TEX36: variants seen among roughly 807,000 people sequenced by gnomAD.
TEX36 encodes the protein testis-expressed protein 36.
In TEX36, 12 loss-of-function variants were observed where a neutral mutation model predicts 13.6. The ratio of observed to expected loss-of-function variants is 0.88; its 90% confidence interval spans 0.56 to 1.43. The LOEUF is 1.43. TEX36 is among the 40% of genes most tolerant of loss of function. The pLI is 0.00. For missense variants in TEX36, 224 were observed against 228.3 expected, an observed-to-expected ratio of 0.98 and a Z score of 0.12; for synonymous variants, 93 against 83.0, an observed-to-expected ratio of 1.12 and a Z score of -0.65.
At chr10:125,667,694 TG>T (rs1847146090) in intron 1 of TEX36, 1 of 739,496 alleles carries the variant, frequency 1.4e-6, no homozygotes, top group Non-Finnish European at 2.5e-6. Context: ...ATCCTTCTTC[TG>T]GTAGAGTGTC....
chr10:125,683,099 G>T lies in TEX36; in HGVS notation c.-110C>A. On this transcript the variant is annotated 5_prime_UTR_variant, in exon 1 of 4. Coordinates refer to ENST00000368821, the MANE Select transcript of TEX36 (RefSeq NM_001128202.3). ...TTCATAAGCTCTACACGTCTGGGAAGCTCCTCCTCCTCCTTGTTCCTGATC... is the reference window on the plus strand; with the variant it reads ...TTCATAAGCTCTACACGTCTGGGAATCTCCTCCTCCTCCTTGTTCCTGATC... 8.2e-7 allele frequency: 1 copy of T among 1,226,862 alleles called. No homozygotes were observed. The highest frequency in any genetic ancestry group is 1.2e-6 in the Non-Finnish European group (1 of 851,900). 76.0% of individuals were successfully genotyped at this position (1,226,862 alleles called of 1,614,324 possible). A position where few individuals can be genotyped will look rare whatever the true frequency, so the allele number is the denominator to read the frequency against.
chr10:125,602,599 A>ATCAT (rs746833554), intron 3 of TEX36, among the ~76,000 whole-genome samples: 13 of 152,090 alleles, frequency 8.5e-5, no homozygotes, highest in African/African-American at 1.2e-4. Context: ...TCATTCATTC[A>ATCAT]TCATTCATTC....
chr10:125,667,462 G>A (rs527257116), intron 1 of TEX36: 37 of 711,600 alleles, frequency 5.2e-5, no homozygotes, highest in East Asian at 2.0e-4. Context: ...TTTCCATGAC[G>A]GCAAGGGCTG....
intron 3 of TEX36, among the ~76,000 whole-genome samples, chr10:125,658,358 C>T (rs57456686): frequency 0.021 from 3,206 of 151,788 alleles, 106 homozygotes; most frequent in African/African-American, 0.074. Flanking sequence ...GCAAAAGCCA[C>T]CATGAAAATA....
At chr10:125,664,003 T>C (rs1312710423) in intron 1 of TEX36, among the ~76,000 whole-genome samples, 1 of 152,152 alleles carries the variant, frequency 6.6e-6, no homozygotes, top group African/African-American at 2.4e-5. Context: ...CACCACTACC[T>C]TTCCTAGCCT....
rs297251 is a variant in TEX36 at position 125,624,620 on chromosome 10, A to G, written c.265-2975T>C. 7.7e-3 allele frequency among the ~76,000 whole-genome samples: 1,164 copies of G among 150,422 alleles called. 16 individuals are homozygous for G. The highest frequency in any genetic ancestry group is 0.027 in the African/African-American group (1,114 of 41,006). On this transcript the variant is annotated intron_variant, in intron 3 of 3. Coordinates refer to the TEX36 transcript ENST00000526819. ...GTTCTGGTGAGCTCATCTTCATTGG[A>G]GGTGGGGAATGACCCTTCCTCAAGA...
At chr10:125,591,266 A>T (rs1846018556) in intron 3 of TEX36, among the ~76,000 whole-genome samples, 1 of 152,244 alleles carries the variant, frequency 6.6e-6, no homozygotes, top group Non-Finnish European at 1.5e-5. Context: ...TGTCATCTAT[A>T]TTATTTTAAT....
chr10:125,607,666 G>A (rs7916886), intron 3 of TEX36, among the ~76,000 whole-genome samples: 4 of 151,822 alleles, frequency 2.6e-5, no homozygotes, highest in Admixed American at 6.6e-5. Flanking sequence ...GTGACTCCCC[G>A]ACTAGCTGGT....
intron 3 of TEX36, among the ~76,000 whole-genome samples, chr10:125,603,421 C>T (rs375155217): frequency 2.6e-5 from 4 of 152,090 alleles, no homozygotes; most frequent in South Asian, 2.1e-4. Flanking sequence ...CTGCTCCGCC[C>T]GTTGCCTGAG....
chr10:125,659,565 G>A (rs925895216), intron 3 of TEX36, among the ~76,000 whole-genome samples: 3 of 152,170 alleles, frequency 2.0e-5, no homozygotes, highest in Non-Finnish European at 4.4e-5. Flanking sequence ...ACAGAGGCAG[G>A]CAAAGTGGGT....
In TEX36 at chr10:125,590,852, G is replaced by C. The variant is rs148723561; in HGVS notation, c.265-13978C>G. 3.9e-4 allele frequency among the ~76,000 whole-genome samples: 60 copies of C among 152,204 alleles called. 1 individual carries two copies. Among genetic ancestry groups the C allele is most frequent in the African/African-American group, 1.4e-3 (57 of 41,536 alleles). Reference sequence around the variant, plus strand: ...TTCTATATATAGATATAGATATATTGATATATATACATATTATGCAAGCAG... The same window carrying C: ...TTCTATATATAGATATAGATATATTCATATATATACATATTATGCAAGCAG... On this transcript the variant is annotated intron_variant, in intron 3 of 3. Transcript: ENST00000532135.
chr10:125,670,017 T>C (rs1847198004), intron 1 of TEX36, among the ~76,000 whole-genome samples: 1 of 152,238 alleles, frequency 6.6e-6, no homozygotes, highest in South Asian at 2.1e-4. Context: ...TTGGGTTGAC[T>C]CCATGTCTTT....
chr10:125,599,366 G>A (rs146978885), intron 3 of TEX36, among the ~76,000 whole-genome samples: 1,711 of 152,286 alleles, frequency 0.011, 30 homozygotes, highest in African/African-American at 0.039. Flanking sequence ...CACCTGCCCT[G>A]GGGGCAGTGT....
intron 3 of TEX36, among the ~76,000 whole-genome samples, chr10:125,643,884 C>A (rs1457505514): frequency 6.6e-6 from 1 of 152,168 alleles, no homozygotes. Flanking sequence ...CGCACTCCAG[C>A]CTTGGTGACA....
chr10:125,579,985 A>G (rs60874053), intron 3 of TEX36, among the ~76,000 whole-genome samples: 1 of 152,352 alleles, frequency 6.6e-6, no homozygotes, highest in African/African-American at 2.4e-5. Flanking sequence ...CTTGAAAACA[A>G]GAATGTTGTT....
At chr10:125,672,953 G>C (rs1565191205) in intron 1 of TEX36, among the ~76,000 whole-genome samples, 1 of 152,028 alleles carries the variant, frequency 6.6e-6, no homozygotes, top group Non-Finnish European at 1.5e-5. Flanking sequence ...CACAACCCCT[G>C]TTTTTTTCTG....
At chr10:125,664,412 C>G (rs1847093059) in intron 1 of TEX36, among the ~76,000 whole-genome samples, 1 of 152,132 alleles carries the variant, frequency 6.6e-6, no homozygotes, top group South Asian at 2.1e-4. Context: ...TGAGGAACCT[C>G]TATACTATTT....
chr10:125,658,429 C>T (rs999088850), intron 3 of TEX36, among the ~76,000 whole-genome samples: 7 of 151,732 alleles, frequency 4.6e-5, no homozygotes, highest in African/African-American at 1.7e-4. Flanking sequence ...GCAAAAAAAA[C>T]TTTAGAAACT....
intron 3 of TEX36, among the ~76,000 whole-genome samples, chr10:125,606,238 G>A (rs1472511603): frequency 6.6e-6 from 1 of 152,136 alleles, no homozygotes; most frequent in Non-Finnish European, 1.5e-5. Flanking sequence ...ATGTATTCAA[G>A]AACGACAAGA....
Sources: gnomAD v4.1 joint callset for allele counts (sites outside exome capture counted in the v4.1 genomes callset) on GRCh38, gnomAD v4.1.1 for gene constraint, MANE v1.5 for transcripts, NCBI Gene and HGNC (gene_info 2026-07-23, HGNC 2026-07-21) for gene names.